ATP8B4: variants seen among roughly 807,000 people sequenced by gnomAD.
ATP8B4 encodes the protein probable phospholipid-transporting ATPase IM.
In ATP8B4, 133 loss-of-function variants were observed where a neutral mutation model predicts 145.6. The observed-to-expected ratio is 0.91, with a 90% confidence interval of 0.79 to 1.05. The LOEUF (loss-of-function observed/expected upper bound fraction) is 1.05, where lower values mean the gene tolerates loss of function less well. ATP8B4 is among the 50% of genes least tolerant of loss of function. The pLI is 0.00. For missense variants in ATP8B4, 1,458 were observed against 1,425.2 expected, an observed-to-expected ratio of 1.02 and a Z score of -0.37; for synonymous variants, 507 against 492.9, an observed-to-expected ratio of 1.03 and a Z score of -0.38.
chr15:49,920,692 G>A (rs28449231), intron 17 of ATP8B4, among the ~76,000 whole-genome samples: 34,565 of 152,122 alleles, frequency 0.23, 5,608 homozygotes, highest in African/African-American at 0.46. Context: ...GAGGTGATCA[G>A]TGACACCCAT....
chr15:49,872,969 G>T (rs2033882533), intron 25 of ATP8B4, among the ~76,000 whole-genome samples: 1 of 152,022 alleles, frequency 6.6e-6, no homozygotes, highest in Non-Finnish European at 1.5e-5. Context: ...GCTAGGTGAG[G>T]GTATGCAGGA....
chr15:49,964,038 T>C (rs2044318706), intron 13 of ATP8B4, among the ~76,000 whole-genome samples: 1 of 152,216 alleles, frequency 6.6e-6, no homozygotes, highest in African/African-American at 2.4e-5. Flanking sequence ...TGGTTCAAAA[T>C]GACATGACTA....
intron 17 of ATP8B4, among the ~76,000 whole-genome samples, chr15:49,921,295 GTAT>G (rs1310433825): frequency 2.0e-5 from 3 of 152,170 alleles, no homozygotes; most frequent in East Asian, 1.9e-4. Flanking sequence ...TGCAAAAAAG[GTAT>G]TATTTTTTAG....
At chr15:49,924,891 ACTCT>A (rs750200583) in intron 16 of ATP8B4, among the ~76,000 whole-genome samples, 19 of 151,986 alleles carry the variant, frequency 1.3e-4, no homozygotes, top group Non-Finnish European at 2.1e-4. Context: ...CCTAGGAAAG[ACTCT>A]CTCTTGATTT....
intron 1 of ATP8B4, among the ~76,000 whole-genome samples, chr15:50,138,361 G>GATAC (rs1431310556): frequency 8.4e-6 from 1 of 119,124 alleles, no homozygotes; most frequent in Admixed American, 8.6e-5. Context: ...TAGATAGATA[G>GATAC]ATAGATAGAT....
intron 25 of ATP8B4, 26 bp from the exon 26 acceptor site, chr15:49,866,510 G>A (rs1367226980): frequency 6.2e-7 from 1 of 1,611,002 alleles, no homozygotes; most frequent in South Asian, 1.1e-5. Context: ...AATGCAAACG[G>A]GAGGTCTTTG....
chr15:49,922,830 C>T (rs1015213112), intron 17 of ATP8B4, among the ~76,000 whole-genome samples: 1 of 152,128 alleles, frequency 6.6e-6, no homozygotes, highest in African/African-American at 2.4e-5. Flanking sequence ...ATGCTGGTCT[C>T]AGAATATACA....
At chr15:49,893,167 T>A (rs1393143743) in intron 23 of ATP8B4, among the ~76,000 whole-genome samples, 2 of 152,216 alleles carry the variant, frequency 1.3e-5, no homozygotes, top group African/African-American at 4.8e-5. Flanking sequence ...GATGTGAGAA[T>A]ACATGTATAT....
chr15:49,877,971 T>C (rs950602931), intron 24 of ATP8B4, among the ~76,000 whole-genome samples: 2 of 152,218 alleles, frequency 1.3e-5, no homozygotes, highest in African/African-American at 4.8e-5. Context: ...GCTTGGTTTC[T>C]GCCTTAAAAA....
chr15:49,976,354 G>A (rs529074232), intron 12 of ATP8B4, among the ~76,000 whole-genome samples: 3 of 150,956 alleles, frequency 2.0e-5, no homozygotes, highest in South Asian at 2.1e-4. Flanking sequence ...AATGGGCTGG[G>A]GTAGTGTCTT....
chr15:50,143,002 G>A (rs890975378), intron 1 of ATP8B4, among the ~76,000 whole-genome samples: 1 of 152,200 alleles, frequency 6.6e-6, no homozygotes, highest in African/African-American at 2.4e-5. Flanking sequence ...CTTAGCTTAG[G>A]AGAGAAGCTG....
chr15:50,177,160 A>G (rs2044776603), intron 1 of ATP8B4, among the ~76,000 whole-genome samples: 1 of 152,230 alleles, frequency 6.6e-6, no homozygotes, highest in African/African-American at 2.4e-5. Context: ...TATTTGTACC[A>G]AGTATGTAAT....
chr15:50,068,537 TA>T (rs1420376442), intron 3 of ATP8B4, among the ~76,000 whole-genome samples: 2 of 152,214 alleles, frequency 1.3e-5, no homozygotes, highest in Non-Finnish European at 2.9e-5. Flanking sequence ...TCAATTTACA[TA>T]AGCCTATGCA....
intron 10 of ATP8B4, among the ~76,000 whole-genome samples, chr15:49,986,960 G>A (rs1226036833): frequency 1.4e-5 from 2 of 146,362 alleles, no homozygotes; most frequent in Non-Finnish European, 3.0e-5. Context: ...ATGATTACAG[G>A]ATCAAGAAGC....
chr15:50,077,909 G>A (rs2054286953), intron 2 of ATP8B4, among the ~76,000 whole-genome samples: 1 of 152,136 alleles, frequency 6.6e-6, no homozygotes, highest in Non-Finnish European at 1.5e-5. Flanking sequence ...AACACACACA[G>A]AAAAGCCTCT....
intron 24 of ATP8B4, 78 bp downstream of exon 24, chr15:49,879,298 T>C: frequency 7.8e-7 from 1 of 1,276,696 alleles, no homozygotes; most frequent in Non-Finnish European, 1.1e-6. Flanking sequence ...CTTAGAATTG[T>C]GTTTTCTACT....
intron 17 of ATP8B4, 48 bp downstream of exon 17, chr15:49,923,331 G>A: frequency 7.6e-7 from 1 of 1,308,430 alleles, no homozygotes; most frequent in South Asian, 1.2e-5. Flanking sequence ...CTAACCATAG[G>A]AGATGGCAAA....
chr15:50,157,506 C>T (rs8035794), intron 1 of ATP8B4, among the ~76,000 whole-genome samples: 85,801 of 152,066 alleles, frequency 0.56, 24,890 homozygotes, highest in East Asian at 0.93. Context: ...TTTGGTTACA[C>T]GGATGAATTG....
At chr15:49,989,829 A>T (rs564643927) in intron 9 of ATP8B4, among the ~76,000 whole-genome samples, 1 of 152,148 alleles carries the variant, frequency 6.6e-6, no homozygotes, top group South Asian at 2.1e-4. Flanking sequence ...CACACTTCCC[A>T]ATTTCTTTTG....
Sources: gnomAD v4.1 joint callset for allele counts (sites outside exome capture counted in the v4.1 genomes callset) on GRCh38, gnomAD v4.1.1 for gene constraint, MANE v1.5 for transcripts, NCBI Gene and HGNC (gene_info 2026-07-23, HGNC 2026-07-21) for gene names.